Variants in MRPS27 observed in about 807,000 individuals in gnomAD.
MRPS27 encodes the protein small ribosomal subunit protein mS27.
Under a neutral mutation model 48.9 loss-of-function variants are expected in MRPS27, and 43 were observed. That is an observed-to-expected ratio of 0.88 (90% confidence interval 0.69 to 1.13). The LOEUF is 1.13. Among genes scored for constraint, MRPS27 ranks in the 50% most tolerant of loss-of-function variants. The pLI, the probability that MRPS27 is intolerant of heterozygous loss-of-function variation, is 0.00. For missense variants in MRPS27, 467 were observed against 476.3 expected, an observed-to-expected ratio of 0.98 and a Z score of 0.18; for synonymous variants, 188 against 171.9, an observed-to-expected ratio of 1.09 and a Z score of -0.73.
At chr5:72,234,472 TA>T (rs1007298827) in intron 5 of MRPS27, among the ~76,000 whole-genome samples, 13 of 150,842 alleles carry the variant, frequency 8.6e-5, no homozygotes, top group African/African-American at 1.5e-4. Flanking sequence ...CATCATAGCT[TA>T]AAAAAAACAT....
intron 4 of MRPS27, among the ~76,000 whole-genome samples, chr5:72,289,633 G>A (rs1014380536): frequency 1.3e-5 from 2 of 151,994 alleles, no homozygotes; most frequent in African/African-American, 2.4e-5. Context: ...ATGTTGCCCA[G>A]GCTGGTATTA....
chr5:72,312,871 G>C (rs1750476826), intron 2 of MRPS27, among the ~76,000 whole-genome samples: 1 of 152,104 alleles, frequency 6.6e-6, no homozygotes. Context: ...ACCAGCCTCA[G>C]CCTCCCAAAG....
At chr5:72,243,610 T>C (rs758754814) in intron 4 of MRPS27, among the ~76,000 whole-genome samples, 2 of 152,142 alleles carry the variant, frequency 1.3e-5, no homozygotes, top group African/African-American at 2.4e-5. Context: ...ACTTTCCACA[T>C]ACACACACTT....
chr5:72,300,393 T>C (rs760428738), intron 2 of MRPS27, among the ~76,000 whole-genome samples: 1 of 152,172 alleles, frequency 6.6e-6, no homozygotes, highest in Admixed American at 6.5e-5. Context: ...CTTTAACCAT[T>C]ACCTACAGAT....
chr5:72,284,752 A>G (rs1749626520), intron 4 of MRPS27, among the ~76,000 whole-genome samples: 2 of 152,328 alleles, frequency 1.3e-5, no homozygotes, highest in South Asian at 4.1e-4. Context: ...CACAGTGGCT[A>G]CATCACACAC....
intron 2 of MRPS27, among the ~76,000 whole-genome samples, chr5:72,302,777 A>G (rs1222209828): frequency 6.6e-6 from 1 of 152,242 alleles, no homozygotes; most frequent in East Asian, 1.9e-4. Flanking sequence ...GACAGAGGAT[A>G]AAACCAATAC....
chr5:72,247,664 TG>T (rs763841694), intron 4 of MRPS27, among the ~76,000 whole-genome samples: 6 of 152,224 alleles, frequency 3.9e-5, no homozygotes, highest in Non-Finnish European at 8.8e-5. Flanking sequence ...TTTCAGCAAT[TG>T]ATCACTCCAT....
intron 4 of MRPS27, among the ~76,000 whole-genome samples, chr5:72,279,795 G>A (rs1749486446): frequency 6.6e-6 from 1 of 151,640 alleles, no homozygotes; most frequent in Non-Finnish European, 1.5e-5. Flanking sequence ...AAATCCTTCA[G>A]TGTCCCCAGT....
intron 1 of MRPS27, chr5:72,314,387 T>C: frequency 2.8e-6 from 1 of 362,792 alleles, no homozygotes; most frequent in East Asian, 4.5e-5. Context: ...ACAATAATTT[T>C]TTAAATAAAA....
At chr5:72,228,030 T>C (rs2111940578) in intron 8 of MRPS27, 1 of 542,734 alleles carries the variant, frequency 1.8e-6, no homozygotes, top group Non-Finnish European at 3.2e-6. Flanking sequence ...TGAATATTAT[T>C]ACCTATATCC....
intron 4 of MRPS27, among the ~76,000 whole-genome samples, chr5:72,256,547 A>T (rs1748812060): frequency 6.6e-6 from 1 of 152,210 alleles, no homozygotes; most frequent in Non-Finnish European, 1.5e-5. Flanking sequence ...TATGCAAATT[A>T]TATTAACTGA....
chr5:72,251,510 C>T lies in MRPS27; in HGVS notation c.282-13382G>A, dbSNP rs543018892. 1.3e-4 allele frequency among the ~76,000 whole-genome samples: 20 copies of T among 152,312 alleles called. 1 individual carries two copies. Among genetic ancestry groups the T allele is most frequent in the African/African-American group, 3.6e-4 (15 of 41,578 alleles). On this transcript the variant is annotated intron_variant, in intron 4 of 10. Transcript: ENST00000261413. ...TTGCTCTTGGACTGCTTTCCACATG[C>T]TTGGCAAGGCACTGTTATAATACAA...
chr5:72,290,488 A>C (rs1164935613), intron 4 of MRPS27, among the ~76,000 whole-genome samples: 1 of 152,176 alleles, frequency 6.6e-6, no homozygotes, highest in Non-Finnish European at 1.5e-5. Flanking sequence ...TTTTTATAGC[A>C]TTGCCCCACT....
rs887804039 is a variant in MRPS27 at position 72,220,740 on chromosome 5, T to G, written c.*169A>C. 2 of 967,912 alleles carry G rather than the reference T, an allele frequency of 2.1e-6. No homozygotes were observed. Among genetic ancestry groups the G allele is most frequent in the Non-Finnish European group, 3.1e-6 (2 of 655,218 alleles). The allele number at this position is 967,912 out of a possible 1,614,324, so 60.0% of individuals were successfully genotyped here. A position where few individuals can be genotyped will look rare whatever the true frequency, so the allele number is the denominator to read the frequency against. On this transcript the variant is annotated 3_prime_UTR_variant, in exon 11 of 11. Transcript: ENST00000261413. ...CACCTGCATAGTTCCATAGCCCTTC[T>G]TGGCATCTCGATGGGCAGTCATGGT... is the stretch of plus-strand genomic sequence containing the variant.
intron 8 of MRPS27, chr5:72,227,184 A>G (rs1439485094): frequency 1.3e-5 from 2 of 152,298 alleles, no homozygotes; most frequent in Non-Finnish European, 2.9e-5. Context: ...ACAAAGAACC[A>G]GGGCCTCTGC....
intron 4 of MRPS27, among the ~76,000 whole-genome samples, chr5:72,271,331 G>C (rs1290574484): frequency 1.3e-5 from 2 of 152,134 alleles, no homozygotes; most frequent in Non-Finnish European, 2.9e-5. Flanking sequence ...CTAGCAGCAA[G>C]CAACTGGAAA....
chr5:72,306,950 A>T (rs1449319153), intron 2 of MRPS27, among the ~76,000 whole-genome samples: 1 of 152,172 alleles, frequency 6.6e-6, no homozygotes, highest in Non-Finnish European at 1.5e-5. Flanking sequence ...TGTTTCTATT[A>T]AAAAGATTCA....
intron 4 of MRPS27, chr5:72,241,835 G>A (rs528194935): frequency 8.3e-4 from 571 of 687,058 alleles, no homozygotes; most frequent in Non-Finnish European, 1.1e-3. Context: ...CCCTCTGTGC[G>A]CCTATGCCAT....
intron 4 of MRPS27, among the ~76,000 whole-genome samples, chr5:72,270,233 A>G (rs1374661949): frequency 2.0e-5 from 3 of 147,874 alleles, no homozygotes; most frequent in Non-Finnish European, 4.5e-5. Flanking sequence ...TAATAATAAT[A>G]ATATTAAAAT....
Sources: allele counts gnomAD v4.1 joint callset (sites outside exome capture counted in the v4.1 genomes callset), GRCh38; gene constraint gnomAD v4.1.1; transcripts MANE v1.5; gene names NCBI Gene and HGNC (gene_info 2026-07-23, HGNC 2026-07-21).